The following ODAD2 variants were observed in gnomAD, a reference collection of about 807,000 sequenced individuals.
ODAD2 encodes the protein outer dynein arm docking complex subunit 2.
In ODAD2, 89 loss-of-function variants were observed where a neutral mutation model predicts 106.8. The ratio of observed to expected loss-of-function variants is 0.83; its 90% confidence interval spans 0.70 to 0.99. The LOEUF is 0.99. ODAD2 is among the 50% of genes least tolerant of loss of function. ODAD2 has a pLI of 0.00. For synonymous variants in ODAD2, 404 were observed against 436.2 expected (o/e 0.93, Z 0.92); for missense variants, 1,168 against 1,238.5 (o/e 0.94, Z 0.85).
At chr10:27,990,449 T>C (rs1194882407) in intron 2 of ODAD2, among the ~76,000 whole-genome samples, 1 of 152,276 alleles carries the variant, frequency 6.6e-6, no homozygotes, top group Admixed American at 6.5e-5. Flanking sequence ...GTGCTGGGAT[T>C]ACTGGCATGG....
intron 19 of ODAD2, among the ~76,000 whole-genome samples, chr10:27,833,363 C>T (rs1837625248): frequency 7.6e-6 from 1 of 131,488 alleles, no homozygotes; most frequent in South Asian, 2.6e-4. Flanking sequence ...CCTTACTTTT[C>T]CAGGGTACAA....
At chr10:27,940,096 T>G in intron 13 of ODAD2, 89 bp from the exon 14 acceptor site, 1 of 847,918 alleles carries the variant, frequency 1.2e-6, no homozygotes, top group Non-Finnish European at 1.8e-6. Flanking sequence ...GAACAAACTT[T>G]CTTAGGAAAT....
At chr10:27,915,159 A>G (rs1027821303) in intron 16 of ODAD2, among the ~76,000 whole-genome samples, 5 of 152,184 alleles carry the variant, frequency 3.3e-5, no homozygotes, top group Non-Finnish European at 5.9e-5. Flanking sequence ...TACACACATC[A>G]TAATCAAATG....
At chr10:27,814,608 G>A (rs1433993648) in intron 19 of ODAD2, among the ~76,000 whole-genome samples, 1 of 152,106 alleles carries the variant, frequency 6.6e-6, no homozygotes, top group Non-Finnish European at 1.5e-5. Context: ...CCCACGATTT[G>A]GCTATGCAAC....
At chr10:27,944,146 G>T in intron 12 of ODAD2, 76 bp downstream of exon 12, 1 of 1,304,250 alleles carries the variant, frequency 7.7e-7, no homozygotes, top group Non-Finnish European at 1.1e-6. Flanking sequence ...TTCCAGCGTG[G>T]CCAGAAAGGA....
At chr10:27,841,898 G>T (rs528558149) in intron 19 of ODAD2, among the ~76,000 whole-genome samples, 1 of 152,128 alleles carries the variant, frequency 6.6e-6, no homozygotes, top group Non-Finnish European at 1.5e-5. Flanking sequence ...GGGACTACAG[G>T]TATGCACCAC....
chr10:27,936,842 C>T lies in ODAD2; in HGVS notation c.2136G>A (p.Leu712=). 1 of 1,613,342 alleles carries T rather than the reference C, an allele frequency of 6.2e-7. No homozygotes were observed. Among genetic ancestry groups the T allele is most frequent in the Non-Finnish European group, 8.5e-7 (1 of 1,179,792 alleles). Residue 712 remains leucine (L), a synonymous_variant, in exon 15 of 20, where the codon CTG becomes CTA. Coordinates refer to ENST00000305242, the MANE Select transcript of ODAD2 (RefSeq NM_018076.5). ...EDKETRDLVR[L]HGGLKPLASL... ...TGGCCAAGGGCTTAAGTCCTCCGTG[C>T]AGCCTAACGAGGTCCCGGGTTTCCT...
chr10:27,980,242 T>C (rs1451644176), intron 7 of ODAD2, among the ~76,000 whole-genome samples: 1 of 152,126 alleles, frequency 6.6e-6, no homozygotes. Context: ...GTGCTAAATT[T>C]TTCATGACCT....
At chr10:27,998,431 T>C (rs960434904) in intron 1 of ODAD2, among the ~76,000 whole-genome samples, 32 of 151,626 alleles carry the variant, frequency 2.1e-4, no homozygotes, top group Middle Eastern at 3.4e-3. Context: ...AAAACCACGC[T>C]GGGAGCGGGA....
In ODAD2 at chr10:27,886,885, A is replaced by G. The variant is rs190476482; in HGVS notation, c.2610+20778T>C. 4.1e-4 allele frequency among the ~76,000 whole-genome samples: 63 copies of G among 152,076 alleles called. No individual in the cohort carries two copies. The East Asian group carries it at 7.7e-3, about 19-fold the overall frequency. The stretch of plus-strand genomic sequence containing the variant: ...CAAAGAAAATAACCATAAAATATAC[A>G]CAAAAGGATATCAAAATGTGTCACT... On this transcript the variant is annotated intron_variant, in intron 17 of 19. Coordinates refer to ENST00000305242, the MANE Select transcript of ODAD2 (RefSeq NM_018076.5).
chr10:27,935,225 G>C lies in ODAD2; in HGVS notation c.2280C>G (p.Thr760=), dbSNP rs571264531. 6.2e-7 allele frequency: 1 copy of C among 1,613,880 alleles called. No homozygotes were observed. The highest frequency in any genetic ancestry group is 8.5e-7 in the Non-Finnish European group (1 of 1,179,844). ...GCTGATCTGTTAGAAGTCCCACCAA[G>C]GTTTCAATGGCTTTGTATTCCCGAA... The part of the protein sequence containing the change: ...TKFREYKAIE[T]LVGLLTDQPE... Residue 760 remains threonine, a synonymous_variant, in exon 16 of 20, where the codon ACC becomes ACG. Transcript: ENST00000305242.
chr10:27,981,443 T>C (rs1849539326), intron 7 of ODAD2, 23 bp downstream of exon 7: 5 of 1,472,054 alleles, frequency 3.4e-6, no homozygotes, highest in Middle Eastern at 2.2e-4. Flanking sequence ...CTATGAAAGC[T>C]CAAAAGAAAC....
At chr10:27,894,747 G>A (rs1169953592) in intron 17 of ODAD2, among the ~76,000 whole-genome samples, 1 of 143,618 alleles carries the variant, frequency 7.0e-6, no homozygotes, top group Non-Finnish European at 1.5e-5. Context: ...AAAAAAAATT[G>A]TTGTAGAGGA....
chr10:27,895,930 T>A (rs1842827001), intron 17 of ODAD2, among the ~76,000 whole-genome samples: 2 of 152,346 alleles, frequency 1.3e-5, no homozygotes, highest in African/African-American at 4.8e-5. Flanking sequence ...AAATATAATA[T>A]TCAGCTTCTG....
At chr10:27,820,307 A>G (rs947197087) in intron 19 of ODAD2, among the ~76,000 whole-genome samples, 2 of 151,926 alleles carry the variant, frequency 1.3e-5, no homozygotes, top group Admixed American at 6.6e-5. Flanking sequence ...ATCCTCCCTC[A>G]GACCTGGTCA....
At chr10:27,845,581 T>A (rs556512568) in intron 19 of ODAD2, among the ~76,000 whole-genome samples, 2 of 152,270 alleles carry the variant, frequency 1.3e-5, no homozygotes, top group African/African-American at 4.8e-5. Context: ...ATATTAACTT[T>A]AAATGTAAAT....
chr10:27,812,363 A>T lies in ODAD2; in HGVS notation c.*149T>A. 1.5e-6 allele frequency: 1 copy of T among 679,420 alleles called. No homozygotes were observed. The highest frequency in any genetic ancestry group is 2.4e-6 in the Non-Finnish European group (1 of 419,048). The allele number at this position is 679,420 out of a possible 1,614,324, so 42.1% of individuals were successfully genotyped here. On this transcript the variant is annotated 3_prime_UTR_variant, in exon 20 of 20. Coordinates refer to ENST00000305242, the MANE Select transcript of ODAD2 (RefSeq NM_018076.5). ...TCTCCATGCAATTTTCAGATGAAAAACATTCTGTGCATTTTCAATTTGTGT... is the reference window on the plus strand; with the variant it reads ...TCTCCATGCAATTTTCAGATGAAAATCATTCTGTGCATTTTCAATTTGTGT...
intron 10 of ODAD2, among the ~76,000 whole-genome samples, chr10:27,946,678 C>T (rs1846951189): frequency 6.6e-6 from 1 of 152,176 alleles, no homozygotes; most frequent in African/African-American, 2.4e-5. Context: ...TTCATCCCTT[C>T]ATACCATGTC....
At chr10:27,835,082 G>A (rs12771925) in intron 19 of ODAD2, among the ~76,000 whole-genome samples, 106,964 of 152,002 alleles carry the variant, frequency 0.7, 37,761 homozygotes, top group Middle Eastern at 0.75. Flanking sequence ...GTGGCCCTGC[G>A]TCCTGGCAGG....
Sources: gnomAD v4.1 joint callset for allele counts (sites outside exome capture counted in the v4.1 genomes callset) on GRCh38, gnomAD v4.1.1 for gene constraint, MANE v1.5 for transcripts, NCBI Gene and HGNC (gene_info 2026-07-23, HGNC 2026-07-21) for gene names.